Variants in MSH4 observed in about 807,000 individuals in gnomAD.
The protein encoded by MSH4 is mutS homolog 4.
Under a neutral mutation model 113.7 loss-of-function variants are expected in MSH4, and 106 were observed. The ratio of observed to expected loss-of-function variants is 0.93; its 90% CI spans 0.80 to 1.10. MSH4 has a LOEUF of 1.10. MSH4 is among the 50% of genes least tolerant of loss of function. The probability of loss-of-function intolerance (pLI) is 0.00; values close to 1 mark genes in which losing one functional copy is unlikely to be tolerated. For synonymous variants in MSH4, 368 were observed against 380.2 expected (o/e 0.97, Z 0.37); for missense variants, 1,061 against 1,093.7 (o/e 0.97, Z 0.42).
At chr1:75,843,342 T>C (rs1856790) in intron 7 of MSH4, among the ~76,000 whole-genome samples, 149,552 of 152,246 alleles carry the variant, frequency 0.98, 73,503 homozygotes, top group East Asian at 1. Context: ...ACTCTCTCGT[T>C]GCTGCACACG....
intron 17 of MSH4, among the ~76,000 whole-genome samples, chr1:75,896,918 T>C (rs1652398260): frequency 6.6e-6 from 1 of 152,214 alleles, no homozygotes; most frequent in South Asian, 2.1e-4. Context: ...TTTTGTTTTA[T>C]ACTCCTTTTG....
chr1:75,885,948 A>G (rs1652090205), intron 15 of MSH4, among the ~76,000 whole-genome samples: 1 of 119,164 alleles, frequency 8.4e-6, no homozygotes, highest in Non-Finnish European at 1.6e-5. Context: ...CATATATAAT[A>G]TATATGATGT....
In MSH4 at chr1:75,825,541, C is replaced by T. The variant is rs141876656; in HGVS notation, c.1162+2960C>T. Among the ~76,000 whole-genome samples, 1,400 of 152,076 alleles carry T rather than the reference C, an allele frequency of 9.2e-3. 21 individuals carry two copies. The highest frequency in any genetic ancestry group is 0.036 in the Admixed American group (549 of 15,256). On this transcript the variant is annotated intron_variant, in intron 7 of 19. Coordinates refer to ENST00000263187, the MANE Select transcript of MSH4 (RefSeq NM_002440.4). Reference sequence around the variant, plus strand: ...GAGAAAGGACATCCTTGTCTTGTGCCGGTTTTCAAAGGGAATGCTTCCAGT... The same window carrying T: ...GAGAAAGGACATCCTTGTCTTGTGCTGGTTTTCAAAGGGAATGCTTCCAGT...
rs761900058 is a variant in MSH4 at position 75,797,127 on chromosome 1, G to T, written c.142G>T (p.Val48Phe). 9 of 1,613,918 alleles carry T rather than the reference G, an allele frequency of 5.6e-6. No homozygotes were observed. The highest frequency in any genetic ancestry group is 7.6e-6 in the Non-Finnish European group (9 of 1,179,886). Residue 48 changes from valine (V) to phenylalanine (F), a missense_variant, in exon 1 of 20, where the codon GTC becomes TTC. By Grantham distance (50) the Val-to-Phe change is conservative. Coordinates refer to ENST00000263187, the MANE Select transcript of MSH4 (RefSeq NM_002440.4). ...TPQSRPSVQV[V>F]SASTCPGTSG... ...ACAGAGCCGCCCTTCGGTCCAGGTGGTCTCTGCATCCACCTGTCCTGGCAC... is the reference window on the plus strand; with the variant it reads ...ACAGAGCCGCCCTTCGGTCCAGGTGTTCTCTGCATCCACCTGTCCTGGCAC...
intron 8 of MSH4, among the ~76,000 whole-genome samples, chr1:75,862,937 C>T (rs952091931): frequency 1.3e-5 from 2 of 152,084 alleles, no homozygotes; most frequent in African/African-American, 2.4e-5. Flanking sequence ...TATCTTAACA[C>T]AATTTTCTTT....
At chr1:75,869,493 G>A (rs1452463975) in intron 9 of MSH4, among the ~76,000 whole-genome samples, 1 of 152,164 alleles carries the variant, frequency 6.6e-6, no homozygotes, top group South Asian at 2.1e-4. Context: ...CTTTATGGCA[G>A]CCCCTTCCAT....
intron 19 of MSH4, among the ~76,000 whole-genome samples, chr1:75,908,296 C>G (rs1244905736): frequency 6.6e-6 from 1 of 151,666 alleles, no homozygotes; most frequent in East Asian, 2.0e-4. Flanking sequence ...CAGGTGTGCA[C>G]CACCATGCCT....
rs764664922 is a variant in MSH4 at position 75,796,961 on chromosome 1, C to T, written c.-25C>T. On this transcript the variant is annotated 5_prime_UTR_variant, in exon 1 of 20. Transcript: ENST00000263187. ...GGGGTCGCTCAGAAACCTCATACTT[C>T]TCGGGTCAGGGAAGGTTTGGGAGGA... 3 of 1,612,994 alleles carry T rather than the reference C, an allele frequency of 1.9e-6. No individual in the cohort carries two copies. The highest frequency in any genetic ancestry group is 2.5e-6 in the Non-Finnish European group (3 of 1,179,462).
chr1:75,828,320 CA>C (rs1383739113), intron 7 of MSH4, among the ~76,000 whole-genome samples: 1 of 152,114 alleles, frequency 6.6e-6, no homozygotes, highest in Admixed American at 6.6e-5. Flanking sequence ...TATACCCAAA[CA>C]TAAATAAATT....
At chr1:75,850,481 T>C (rs1651160801) in intron 8 of MSH4, among the ~76,000 whole-genome samples, 1 of 152,146 alleles carries the variant, frequency 6.6e-6, no homozygotes, top group Non-Finnish European at 1.5e-5. Context: ...CTTTTTGTTA[T>C]TGGTTTCTAA....
intron 7 of MSH4, among the ~76,000 whole-genome samples, chr1:75,833,788 A>G (rs1025334620): frequency 3.9e-5 from 6 of 152,344 alleles, no homozygotes; most frequent in Middle Eastern, 3.4e-3. Context: ...TTAATTCAAC[A>G]TGGATTAAAG....
intron 2 of MSH4, among the ~76,000 whole-genome samples, chr1:75,806,141 CT>C (rs36155492): frequency 0.041 from 5,912 of 145,288 alleles, 406 homozygotes; most frequent in African/African-American, 0.14. Flanking sequence ...ATGTTCATGT[CT>C]TTTACTCATT....
intron 9 of MSH4, among the ~76,000 whole-genome samples, chr1:75,868,389 T>C (rs1426028803): frequency 6.6e-6 from 1 of 152,222 alleles, no homozygotes; most frequent in Non-Finnish European, 1.5e-5. Context: ...GTAGAATTAA[T>C]TGATGGCTCT....
chr1:75,803,624 GAAAAA>G (rs1197914059), intron 1 of MSH4, 102 bp from the exon 2 acceptor site: 5 of 874,494 alleles, frequency 5.7e-6, no homozygotes, highest in African/African-American at 3.6e-5. Context: ...TCTCAAAAAA[GAAAAA>G]AAGAAAAAAA....
chr1:75,806,846 A>C (rs533100735), intron 2 of MSH4, 135 bp from the exon 3 acceptor site: 1 of 714,822 alleles, frequency 1.4e-6, no homozygotes, highest in African/African-American at 1.9e-5. Flanking sequence ...TTTAGGGAGA[A>C]TTGAAATAAG....
chr1:75,839,831 A>T (rs1650913866), intron 7 of MSH4, among the ~76,000 whole-genome samples: 1 of 147,824 alleles, frequency 6.8e-6, no homozygotes, highest in East Asian at 2.0e-4. Context: ...AGAAAAAAAC[A>T]AACAACCCCA....
chr1:75,831,643 G>A (rs1260120981), intron 7 of MSH4, among the ~76,000 whole-genome samples: 2 of 152,140 alleles, frequency 1.3e-5, no homozygotes, highest in African/African-American at 2.4e-5. Context: ...ACTCAAAACC[G>A]TTAAACTACA....
intron 8 of MSH4, among the ~76,000 whole-genome samples, chr1:75,858,692 A>G (rs1651379927): frequency 1.3e-5 from 2 of 152,182 alleles, no homozygotes; most frequent in South Asian, 2.1e-4. Context: ...GGATTCTCAC[A>G]TTGATGTTCA....
At position 75,912,796 on chromosome 1, in the gene MSH4, A is replaced by G. The variant is rs777386243; in HGVS notation, c.2720A>G (p.Asp907Gly). 2.5e-6 allele frequency: 4 copies of G among 1,596,670 alleles called. No individual in the cohort carries two copies. Among genetic ancestry groups the G allele is most frequent in the East Asian group, 4.6e-5 (2 of 43,284 alleles). Residue 907 changes from aspartate (D) to glycine (G), a missense_variant, in exon 20 of 20, where the codon GAC becomes GGC. By Grantham distance (94) the Asp-to-Gly change is moderately conservative. Coordinates refer to ENST00000263187, the MANE Select transcript of MSH4 (RefSeq NM_002440.4). ...QTARNSQLDPDSLRIYLSNLK... is the reference protein window; with the variant it reads ...QTARNSQLDPGSLRIYLSNLK... ...GCTCGAAACTCTCAATTGGATCCAG[A>G]CAGTTTACGAATATATTTAAGTAAC...
Sources: allele counts gnomAD v4.1 joint callset (sites outside exome capture counted in the v4.1 genomes callset), GRCh38; gene constraint gnomAD v4.1.1; transcripts MANE v1.5; gene names NCBI Gene and HGNC (gene_info 2026-07-23, HGNC 2026-07-21).